MRC1: variants seen among roughly 807,000 people sequenced by gnomAD.
The protein encoded by MRC1 is macrophage mannose receptor 1.
A neutral mutation model predicts 102.9 loss-of-function variants in MRC1; 62 were observed. The observed-to-expected ratio is 0.60, with a 90% CI of 0.49 to 0.74. MRC1 has a LOEUF of 0.74. Ranked by LOEUF, MRC1 falls within the 30% of genes least tolerant of loss-of-function variation. MRC1 has a pLI of 0.00. For synonymous variants in MRC1, 457 were observed against 298.4 expected, an observed-to-expected ratio of 1.53 and a Z score of -5.48; for missense variants, 1,237 against 862.8, an observed-to-expected ratio of 1.43 and a Z score of -5.43.
chr10:17,856,256 A>G lies in MRC1; in HGVS notation c.1422A>G (p.Ala474=). ...GCTCCCTGCAGGATGGGTACTGGGC[A>G]GATCGGGGCTGTGAGTGGCCTCTTG... ...VVMKGKDGYW[A]DRGCEWPLGY... The change falls in exon 9 of 30, where the codon GCA becomes GCG. Residue 474 remains alanine (A), a synonymous_variant. Transcript: ENST00000569591. The G allele has an allele frequency of 6.9e-6, 6 of 863,588 alleles. No homozygotes were observed. The highest frequency in any genetic ancestry group is 1.2e-5 in the Non-Finnish European group (6 of 497,554). 53.5% of individuals were successfully genotyped at this position (863,588 alleles called of 1,614,324 possible). A position where few individuals can be genotyped will look rare whatever the true frequency, so the allele number is the denominator to read the frequency against.
intron 23 of MRC1, among the ~76,000 whole-genome samples, chr10:17,896,740 G>A (rs1416001454): frequency 6.6e-6 from 1 of 152,032 alleles, no homozygotes; most frequent in Non-Finnish European, 1.5e-5. Context: ...AGATCAGCCT[G>A]AGCAACAGAA....
intron 3 of MRC1, among the ~76,000 whole-genome samples, chr10:17,828,510 A>T (rs986566358): frequency 6.6e-6 from 1 of 151,402 alleles, no homozygotes; most frequent in Non-Finnish European, 1.5e-5. Context: ...CCTTTATGAA[A>T]CCATAGATCA....
chr10:17,845,321 G>A lies in MRC1; in HGVS notation c.949G>A (p.Val317Met), dbSNP rs961756560. 9 of 780,834 alleles carry A rather than the reference G, an allele frequency of 1.2e-5. No individual in the cohort carries two copies. The highest frequency in any genetic ancestry group is 1.7e-5 in the Non-Finnish European group (7 of 417,952). The allele number at this position is 780,834 out of a possible 1,614,324, so 48.4% of individuals were successfully genotyped here. ...ATCAGCTGAACCTGGAAAAAGCTGT[G>A]TGTCACTAAATCCTGGAAAAAATGC... ...SPSAEPGKSCVSLNPGKNAKW... is the reference protein window; with the variant it reads ...SPSAEPGKSCMSLNPGKNAKW... The change falls in exon 6 of 30, where the codon GTG becomes ATG. Residue 317 changes from valine to methionine, a missense_variant. Physicochemically the swap from Val to Met is conservative, Grantham distance 21 (BLOSUM62 1). Transcript: ENST00000569591.
intron 5 of MRC1, among the ~76,000 whole-genome samples, chr10:17,844,193 T>TC (rs1446138336): frequency 3.9e-5 from 6 of 151,996 alleles, no homozygotes; most frequent in African/African-American, 1.4e-4. Context: ...CATCTAGCTC[T>TC]CCCATTAGCT....
At chr10:17,860,510 T>C (rs1372272800) in intron 9 of MRC1, among the ~76,000 whole-genome samples, 1 of 152,160 alleles carries the variant, frequency 6.6e-6, no homozygotes, top group African/African-American at 2.4e-5. Context: ...ACTCCTGGGC[T>C]CAAGTCATCC....
intron 13 of MRC1, 23 bp downstream of exon 13, chr10:17,870,396 C>T: frequency 1.3e-6 from 1 of 779,834 alleles, no homozygotes. Context: ...TTTATGGATT[C>T]CTCCTTTTTG....
Position 17,910,470 on chromosome 10 carries a change from T to C in MRC1, c.*5T>C. On this transcript the variant is annotated 3_prime_UTR_variant, in exon 30 of 30. Coordinates refer to ENST00000569591, the MANE Select transcript of MRC1 (RefSeq NM_002438.4). Reference sequence around the variant, plus strand: ...AATGAACACTCGGTCATCTAGTACCTCAATGCGATTCTGAGATATTTGAAT... The same window carrying C: ...AATGAACACTCGGTCATCTAGTACCCCAATGCGATTCTGAGATATTTGAAT... 2 of 780,818 alleles carry C rather than the reference T, an allele frequency of 2.6e-6. No homozygotes were observed. The highest frequency in any genetic ancestry group is 4.8e-6 in the Non-Finnish European group (2 of 417,942). The allele number at this position is 780,818 out of a possible 1,614,324, so 48.4% of individuals were successfully genotyped here.
intron 14 of MRC1, 62 bp downstream of exon 14, chr10:17,870,997 C>CT (rs1337197257): frequency 2.2e-3 from 1,659 of 762,546 alleles, no homozygotes; most frequent in Non-Finnish European, 2.6e-3. Flanking sequence ...TTGATGTTGT[C>CT]TTTTTTTTTA....
chr10:17,885,542 CTG>C, intron 22 of MRC1, 107 bp downstream of exon 22: 1 of 710,542 alleles, frequency 1.4e-6, no homozygotes. Flanking sequence ...ACTCCTTGAT[CTG>C]TTCTATGCTT....
At chr10:17,866,426 G>A (rs1833268136) in intron 11 of MRC1, 136 bp from the exon 12 acceptor site, 2 of 748,992 alleles carry the variant, frequency 2.7e-6, no homozygotes, top group African/African-American at 1.7e-5. Context: ...AATATAAAGT[G>A]TTACAAACCC....
At chr10:17,906,263 A>G (rs936714771) in intron 26 of MRC1, among the ~76,000 whole-genome samples, 4 of 149,886 alleles carry the variant, frequency 2.7e-5, no homozygotes, top group African/African-American at 7.4e-5. Context: ...CTTAATACCA[A>G]TCTCTGGTCT....
chr10:17,812,943 G>T (rs551626305), intron 1 of MRC1, among the ~76,000 whole-genome samples: 1 of 152,162 alleles, frequency 6.6e-6, no homozygotes, highest in South Asian at 2.1e-4. Flanking sequence ...CTGGGAAGGC[G>T]CTCAAACAGT....
At chr10:17,833,989 G>A in intron 4 of MRC1, 150 bp downstream of exon 4, 1 of 631,304 alleles carries the variant, frequency 1.6e-6, no homozygotes, top group Non-Finnish European at 2.9e-6. Context: ...TCTGTACTCT[G>A]AAAATGACAC....
chr10:17,821,223 C>T (rs965529601), intron 1 of MRC1, among the ~76,000 whole-genome samples: 1 of 152,054 alleles, frequency 6.6e-6, no homozygotes, highest in African/African-American at 2.4e-5. Flanking sequence ...GGCATAGAGG[C>T]AGCGAGAGTA....
chr10:17,809,547 G>A, intron 1 of MRC1, 21 bp downstream of exon 1: 2 of 872,694 alleles, frequency 2.3e-6, no homozygotes, highest in South Asian at 1.3e-5. Flanking sequence ...TCTGAGGCAG[G>A]GGATCTCTGA....
chr10:17,825,922 T>C (rs1838468047), intron 2 of MRC1, among the ~76,000 whole-genome samples: 1 of 152,156 alleles, frequency 6.6e-6, no homozygotes, highest in Non-Finnish European at 1.5e-5. Context: ...GTGTTCCTAA[T>C]ACAATATATG....
At position 17,866,589 on chromosome 10, in the gene MRC1, G is replaced by T. The variant is rs1554841506; in HGVS notation, c.1811G>T (p.Arg604Ile). ...PGRKPGCVAMRTGIAGGLWDV... is the reference protein window; with the variant it reads ...PGRKPGCVAMITGIAGGLWDV... ...CGAAAGCCAGGGTGTGTTGCCATGA[G>T]AACCGGGATTGCAGGGGGCTTATGG... The change falls in exon 12 of 30, where the codon AGA becomes ATA. Residue 604 changes from arginine to isoleucine, a missense_variant. Transcript: ENST00000569591. 1.3e-6 allele frequency: 1 copy of T among 780,858 alleles called. No homozygotes were observed. Among genetic ancestry groups the T allele is most frequent in the East Asian group, 2.4e-5 (1 of 41,232 alleles). 48.4% of individuals were successfully genotyped at this position (780,858 alleles called of 1,614,324 possible).
intron 24 of MRC1, among the ~76,000 whole-genome samples, chr10:17,899,210 G>A (rs1256724195): frequency 6.6e-6 from 1 of 152,160 alleles, no homozygotes; most frequent in Non-Finnish European, 1.5e-5. Context: ...TATACAATGA[G>A]TATTTCCTAA....
chr10:17,892,156 A>T (rs1208259219), intron 22 of MRC1, among the ~76,000 whole-genome samples: 1 of 152,132 alleles, frequency 6.6e-6, no homozygotes, highest in African/African-American at 2.4e-5. Context: ...GTCGTATTTT[A>T]AAATGGCTCT....
Sources: allele counts gnomAD v4.1 joint callset (sites outside exome capture counted in the v4.1 genomes callset), GRCh38; gene constraint gnomAD v4.1.1; transcripts MANE v1.5; gene names NCBI Gene and HGNC (gene_info 2026-07-23, HGNC 2026-07-21).